Variants in RUBCNL observed in about 807,000 individuals in gnomAD.
The protein encoded by RUBCNL is rubicon like autophagy enhancer.
A neutral mutation model predicts 69.5 loss-of-function variants in RUBCNL; 62 were observed. The observed-to-expected ratio is 0.89, with a 90% CI of 0.73 to 1.10. RUBCNL has a LOEUF of 1.10. Ranked by LOEUF, RUBCNL falls within the 50% of genes least tolerant of loss-of-function variation. The pLI, the probability that RUBCNL is intolerant of heterozygous loss-of-function variation, is 0.00. For missense variants in RUBCNL, 768 were observed against 798.1 expected (o/e 0.96, Z 0.45); for synonymous variants, 291 against 303.6 (o/e 0.96, Z 0.43).
intron 1 of RUBCNL, among the ~76,000 whole-genome samples, chr13:46,383,708 C>T (rs1055709809): frequency 6.6e-6 from 1 of 152,182 alleles, no homozygotes; most frequent in African/African-American, 2.4e-5. Flanking sequence ...GATTAAGAAA[C>T]AGTCAGTATA....
upstream of RUBCNL, among the ~76,000 whole-genome samples, chr13:46,388,220 A>AAC (rs1555258499): frequency 1.3e-4 from 19 of 146,032 alleles, no homozygotes; most frequent in African/African-American, 4.6e-4. Context: ...AAAAAAAAAA[A>AAC]CAGAAAGGAG....
Position 46,363,168 on chromosome 13 carries a change from T to G in RUBCNL, c.872A>C (p.Tyr291Ser). Residue 291 changes from tyrosine to serine, a missense_variant, in exon 6 of 15, where the codon TAC (tyrosine) becomes TCC (serine). Coordinates refer to ENST00000429979, the MANE Select transcript of RUBCNL (RefSeq NM_025113.5). ...QVSPVTETRT[Y>S]HDVKEICKCD... Reference sequence around the variant, plus strand: ...TTTGCAAATCTCTTTCACATCATGGTAAGTACGTGTTTCAGTCACTGGGCT... The same window carrying G: ...TTTGCAAATCTCTTTCACATCATGGGAAGTACGTGTTTCAGTCACTGGGCT... The G allele has an allele frequency of 6.2e-7, 1 of 1,601,338 alleles. No individual in the cohort carries two copies. The highest frequency in any genetic ancestry group is 1.1e-5 in the South Asian group (1 of 89,682).
At chr13:46,361,815 C>T (rs762421299) in intron 7 of RUBCNL, among the ~76,000 whole-genome samples, 1 of 152,200 alleles carries the variant, frequency 6.6e-6, no homozygotes, top group African/African-American at 2.4e-5. Flanking sequence ...AGAGCACTGG[C>T]TTTAGAGTCA....
chr13:46,345,431 C>T lies in RUBCNL; in HGVS notation c.1785+16G>A. 1 of 1,553,138 alleles carries T rather than the reference C, an allele frequency of 6.4e-7. No homozygotes were observed. Among genetic ancestry groups the T allele is most frequent in the East Asian group, 2.4e-5 (1 of 40,976 alleles). On this transcript the variant is annotated intron_variant, in intron 13 of 14. Transcript: ENST00000429979. ...CTGGTGCATCGGGAACGAATCTGCTCTGGGTGCACCCTCACCTCACAGCCA... is the reference window on the plus strand; with the variant it reads ...CTGGTGCATCGGGAACGAATCTGCTTTGGGTGCACCCTCACCTCACAGCCA...
rs1189115417 is a variant in RUBCNL at position 46,350,110 on chromosome 13, C to T, written c.1569+3G>A. On this transcript the variant is annotated splice_donor_region_variant and intron_variant, in intron 11 of 14. Transcript: ENST00000429979. ...GAGGGATGGGGTTGGGGCTGCGGCT[C>T]ACCTTCACTCTGTCCAGCTCCTTGG... 1.1e-5 allele frequency: 17 copies of T among 1,547,452 alleles called. No individual in the cohort carries two copies. Among genetic ancestry groups the T allele is most frequent in the Non-Finnish European group, 1.3e-5 (15 of 1,140,894 alleles).
chr13:46,378,148 T>C (rs2049038929), intron 1 of RUBCNL, 143 bp from the exon 2 acceptor site: 2 of 531,108 alleles, frequency 3.8e-6, no homozygotes, highest in Non-Finnish European at 6.6e-6. Context: ...GGCATTGTTT[T>C]TGTTTTGGTA....
intron 2 of RUBCNL, among the ~76,000 whole-genome samples, chr13:46,375,463 G>A (rs1024919449): frequency 2.0e-5 from 3 of 152,146 alleles, no homozygotes; most frequent in African/African-American, 7.2e-5. Context: ...AACCTGGCAG[G>A]CGGAGGTTGC....
intron 14 of RUBCNL, among the ~76,000 whole-genome samples, chr13:46,344,359 C>T (rs1433254904): frequency 1.3e-5 from 2 of 152,192 alleles, no homozygotes; most frequent in Non-Finnish European, 2.9e-5. Flanking sequence ...CCCTGAGGGC[C>T]ATGTGGTCTC....
intron 5 of RUBCNL, among the ~76,000 whole-genome samples, chr13:46,366,299 C>T (rs183599881): frequency 2.0e-5 from 3 of 152,286 alleles, no homozygotes; most frequent in Admixed American, 2.0e-4. Flanking sequence ...TCCTGCAAAA[C>T]TGAGTTGTTG....
At chr13:46,348,969 C>T (rs796950351) in intron 12 of RUBCNL, among the ~76,000 whole-genome samples, 10 of 152,268 alleles carry the variant, frequency 6.6e-5, no homozygotes, top group African/African-American at 1.4e-4. Context: ...CCATGTAAGA[C>T]GTGCTTTTGC....
chr13:46,368,844 G>T, intron 3 of RUBCNL, 29 bp from the exon 4 acceptor site: 1 of 1,532,272 alleles, frequency 6.5e-7, no homozygotes. Flanking sequence ...GTTAAAAATG[G>T]GGAAAAGGGA....
chr13:46,375,438 C>T (rs1303487667), intron 2 of RUBCNL, among the ~76,000 whole-genome samples: 1 of 152,148 alleles, frequency 6.6e-6, no homozygotes, highest in African/African-American at 2.4e-5. Flanking sequence ...GAGGCTGAGG[C>T]AGGAGAATCG....
intron 10 of RUBCNL, among the ~76,000 whole-genome samples, chr13:46,351,396 G>A (rs904581236): frequency 3.3e-5 from 5 of 152,230 alleles, no homozygotes; most frequent in African/African-American, 9.6e-5. Flanking sequence ...GGGCACTTAC[G>A]TCTAGCACTG....
chr13:46,355,523 C>A (rs372579792), intron 10 of RUBCNL, among the ~76,000 whole-genome samples: 1 of 152,104 alleles, frequency 6.6e-6, no homozygotes. Context: ...GTCTCAAACT[C>A]CTGACCTCAG....
At chr13:46,365,687 A>T (rs893237821) in intron 5 of RUBCNL, among the ~76,000 whole-genome samples, 4 of 152,212 alleles carry the variant, frequency 2.6e-5, no homozygotes, top group Admixed American at 6.5e-5. Context: ...AACTATACAC[A>T]GTCTAGTTCA....
chr13:46,345,331 A>T, intron 13 of RUBCNL, 116 bp downstream of exon 13: 1 of 1,261,372 alleles, frequency 7.9e-7, no homozygotes, highest in South Asian at 1.5e-5. Context: ...TCTCATCTCT[A>T]ACTAGGTCAC....
At chr13:46,349,385 T>C in intron 11 of RUBCNL, 38 bp from the exon 12 acceptor site, 1 of 1,555,828 alleles carries the variant, frequency 6.4e-7, no homozygotes, top group Non-Finnish European at 8.9e-7. Flanking sequence ...AAGTTAAATG[T>C]AATAAATGAC....
chr13:46,338,842 T>C lies in RUBCNL; in HGVS notation c.*4543A>G, dbSNP rs1209265718. On this transcript the variant is annotated 3_prime_UTR_variant, in exon 15 of 15. Transcript: ENST00000429979. ...GAGGCCGAGGCGGGTAGATCACTTC[T>C]GAGACCAGCCTGGCCAACATGGCGA... Among the ~76,000 whole-genome samples the C allele has an allele frequency of 1.3e-5, 2 of 151,934 alleles. No individual in the cohort carries two copies. Among genetic ancestry groups the C allele is most frequent in the Non-Finnish European group, 2.9e-5 (2 of 67,964 alleles).
chr13:46,344,006 A>G (rs547438203), intron 14 of RUBCNL, among the ~76,000 whole-genome samples: 2 of 152,264 alleles, frequency 1.3e-5, no homozygotes, highest in Admixed American at 6.5e-5. Context: ...TGAGGGCTCC[A>G]CTGCAACCCC....
Sources: allele counts gnomAD v4.1 joint callset (sites outside exome capture counted in the v4.1 genomes callset), GRCh38; gene constraint gnomAD v4.1.1; transcripts MANE v1.5; gene names NCBI Gene and HGNC (gene_info 2026-07-23, HGNC 2026-07-21).